TTC39B: variants seen among roughly 807,000 people sequenced by gnomAD.
TTC39B encodes the protein tetratricopeptide repeat domain 39B.
A neutral mutation model predicts 96.6 loss-of-function variants in TTC39B; 92 were observed. That is an observed-to-expected ratio of 0.95 (90% CI 0.80 to 1.13). The LOEUF (loss-of-function observed/expected upper bound fraction) is 1.13. Ranked by LOEUF, TTC39B falls within the 50% of genes most tolerant of loss-of-function variation. The pLI is 0.00. For missense variants in TTC39B, 955 were observed against 809.3 expected (o/e 1.18, Z -2.18); for synonymous variants, 367 against 299.4 (o/e 1.23, Z -2.33).
chr9:15,194,367 A>G (rs2131278065), intron 8 of TTC39B, among the ~76,000 whole-genome samples: 1 of 152,266 alleles, frequency 6.6e-6, no homozygotes. Flanking sequence ...ACATTTACTA[A>G]AGTACCTATC....
intron 15 of TTC39B, chr9:15,186,727 G>C (rs939443813): frequency 1.7e-5 from 7 of 416,562 alleles, no homozygotes; most frequent in Middle Eastern, 4.6e-4. Context: ...GTCTCACTCT[G>C]TCTGTCACCC....
chr9:15,272,988 C>T (rs899977455), intron 1 of TTC39B, among the ~76,000 whole-genome samples: 7 of 152,176 alleles, frequency 4.6e-5, no homozygotes, highest in Non-Finnish European at 1.0e-4. Context: ...CCATCCTGAT[C>T]GTAGAACTGA....
At chr9:15,203,852 G>T (rs1284419299) in exon 7 of TTC39B, 1 of 1,613,316 alleles carries the variant, frequency 6.2e-7, no homozygotes, top group South Asian at 1.1e-5. Context: ...GCTTTCTGTA[G>T]GAGACACTCG....
intron 4 of TTC39B, among the ~76,000 whole-genome samples, chr9:15,212,380 CAA>C (rs200310557): frequency 1.4e-3 from 145 of 105,570 alleles, no homozygotes; most frequent in Admixed American, 1.8e-3. Flanking sequence ...TTTCAAGAAG[CAA>C]AAAAAAAAAA....
chr9:15,170,748 T>C (rs1397280242), exon 20 of TTC39B: 1 of 152,194 alleles, frequency 6.6e-6, no homozygotes, highest in Admixed American at 6.5e-5. Flanking sequence ...CATCAACTCA[T>C]AAATTGTCTT....
intron 2 of TTC39B, among the ~76,000 whole-genome samples, chr9:15,234,116 C>G (rs1586930511): frequency 6.6e-6 from 1 of 150,764 alleles, no homozygotes; most frequent in Non-Finnish European, 1.5e-5. Flanking sequence ...GTGTCTCTGC[C>G]CGGCCGCCCC....
chr9:15,281,926 C>T (rs1823780596), intron 1 of TTC39B, among the ~76,000 whole-genome samples: 1 of 152,136 alleles, frequency 6.6e-6, no homozygotes. Context: ...GATCCACCCA[C>T]CTCAGCCTCC....
chr9:15,185,123 TA>T (rs1248234658), intron 16 of TTC39B, among the ~76,000 whole-genome samples, 156 bp downstream of exon 16: 3 of 152,250 alleles, frequency 2.0e-5, no homozygotes, highest in African/African-American at 7.2e-5. Context: ...CTACAGTTTT[TA>T]TTTATTAATT....
intron 2 of TTC39B, among the ~76,000 whole-genome samples, chr9:15,261,684 T>C (rs1455326671): frequency 6.6e-6 from 1 of 152,084 alleles, no homozygotes; most frequent in Non-Finnish European, 1.5e-5. Context: ...GCACTGCCTC[T>C]ACCAACTGAA....
intron 8 of TTC39B, among the ~76,000 whole-genome samples, chr9:15,197,340 A>T (rs1819229476): frequency 6.6e-6 from 1 of 152,212 alleles, no homozygotes; most frequent in East Asian, 1.9e-4. Context: ...AATATTTCAC[A>T]AAGAAATCTA....
At position 15,232,904 on chromosome 9, in the gene TTC39B, G is replaced by A. The variant is rs186754088; in HGVS notation, c.276-6892C>T. 2.6e-5 allele frequency among the ~76,000 whole-genome samples: 4 copies of A among 152,320 alleles called. 1 individual carries two copies. Among genetic ancestry groups the A allele is most frequent in the Admixed American group, 2.0e-4 (3 of 15,306 alleles). On this transcript the variant is annotated intron_variant, in intron 2 of 19. Transcript: ENST00000512701. ...AACTGGCTGCTGCAGGGCCAGTGGTGCCGGGAGACGACGGCGGCCGCTCAG... is the reference window on the plus strand; with the variant it reads ...AACTGGCTGCTGCAGGGCCAGTGGTACCGGGAGACGACGGCGGCCGCTCAG...
intron 2 of TTC39B, among the ~76,000 whole-genome samples, chr9:15,246,555 T>G (rs2131490396): frequency 6.6e-6 from 1 of 152,256 alleles, no homozygotes; most frequent in South Asian, 2.1e-4. Context: ...ATCAAGGTGG[T>G]CTCTGTGACT....
exon 20 of TTC39B, chr9:15,167,305 C>T (rs1277421947): frequency 6.9e-6 from 1 of 145,204 alleles, no homozygotes; most frequent in East Asian, 2.1e-4. Context: ...ACTTTGGCTT[C>T]CCAAAGTTTT....
intron 1 of TTC39B, among the ~76,000 whole-genome samples, chr9:15,302,158 A>G (rs1824612937): frequency 6.6e-6 from 1 of 150,814 alleles, no homozygotes; most frequent in African/African-American, 2.4e-5. Context: ...CCCCATCTCT[A>G]CTGAAAAAAA....
intron 3 of TTC39B, among the ~76,000 whole-genome samples, chr9:15,218,744 C>CA (rs1010550056): frequency 1.1e-4 from 16 of 151,494 alleles, no homozygotes; most frequent in Admixed American, 3.3e-4. Context: ...AGCTTGGTTA[C>CA]AAAAAAAACT....
At chr9:15,214,917 T>G (rs781408543) in intron 3 of TTC39B, among the ~76,000 whole-genome samples, 11 of 152,186 alleles carry the variant, frequency 7.2e-5, no homozygotes, top group Non-Finnish European at 1.3e-4. Context: ...AAGGGAAATA[T>G]TTCAATAAGT....
At chr9:15,194,465 G>C (rs1335910802) in intron 8 of TTC39B, among the ~76,000 whole-genome samples, 1 of 152,090 alleles carries the variant, frequency 6.6e-6, no homozygotes. Flanking sequence ...GTGTGTGTAA[G>C]TCCATGTGTG....
intron 3 of TTC39B, among the ~76,000 whole-genome samples, chr9:15,221,128 ACT>A (rs1820820285): frequency 6.6e-6 from 1 of 152,010 alleles, no homozygotes; most frequent in Admixed American, 6.6e-5. Flanking sequence ...GGTTCTCAAG[ACT>A]CTGCAGATAC....
intron 2 of TTC39B, among the ~76,000 whole-genome samples, chr9:15,263,488 G>T (rs1471562049): frequency 2.0e-5 from 3 of 152,140 alleles, no homozygotes; most frequent in African/African-American, 7.2e-5. Flanking sequence ...TGTGCATGAA[G>T]GCAAAATGAA....
Sources: gnomAD v4.1 joint callset for allele counts (sites outside exome capture counted in the v4.1 genomes callset) on GRCh38, gnomAD v4.1.1 for gene constraint, MANE v1.5 for transcripts, NCBI Gene and HGNC (gene_info 2026-07-23, HGNC 2026-07-21) for gene names.